The following MAN2A1 variants were observed in gnomAD, a reference collection of about 807,000 sequenced individuals.
MAN2A1 encodes mannosidase alpha class 2A member 1, also known as alpha-mannosidase 2.
A neutral mutation model predicts 142.6 loss-of-function variants in MAN2A1; 76 were observed. That is an observed-to-expected ratio of 0.53 (90% CI 0.44 to 0.65). The LOEUF (loss-of-function observed/expected upper bound fraction) is 0.65. Ranked by LOEUF, MAN2A1 falls within the 30% of genes least tolerant of loss-of-function variation. The pLI, the probability that MAN2A1 is intolerant of heterozygous loss-of-function variation, is 0.00. For synonymous variants in MAN2A1, 559 were observed against 473.2 expected (o/e 1.18, Z -2.35); for missense variants, 1,311 against 1,365.1 (o/e 0.96, Z 0.62).
intron 2 of MAN2A1, 65 bp from the exon 3 acceptor site, chr5:109,716,055 C>T: frequency 2.6e-6 from 3 of 1,166,700 alleles, no homozygotes; most frequent in East Asian, 2.6e-5. Context: ...TAATTTTGAG[C>T]AAATATTTAC....
At chr5:109,815,384 A>T (rs1561525751) in intron 12 of MAN2A1, among the ~76,000 whole-genome samples, 1 of 152,118 alleles carries the variant, frequency 6.6e-6, no homozygotes, top group Non-Finnish European at 1.5e-5. Context: ...AAGTACTAGG[A>T]GGATTCGTTG....
chr5:109,735,928 A>G (rs1321523964), intron 4 of MAN2A1, among the ~76,000 whole-genome samples: 1 of 111,448 alleles, frequency 9.0e-6, no homozygotes, highest in East Asian at 3.0e-4. Context: ...TAAAATGCTT[A>G]CAGGTTTGAC....
At chr5:109,734,339 T>G (rs954019065) in intron 4 of MAN2A1, among the ~76,000 whole-genome samples, 7 of 152,062 alleles carry the variant, frequency 4.6e-5, no homozygotes, top group Admixed American at 1.3e-4. Flanking sequence ...TTCATTGATT[T>G]TTTTGAAGAG....
chr5:109,753,921 T>C (rs991245459), intron 4 of MAN2A1, among the ~76,000 whole-genome samples: 11 of 151,964 alleles, frequency 7.2e-5, no homozygotes, highest in African/African-American at 2.7e-4. Context: ...TTTTCTTTTT[T>C]TTTTTGACAC....
At chr5:109,805,929 T>C (rs1273270536) in intron 12 of MAN2A1, among the ~76,000 whole-genome samples, 1 of 152,186 alleles carries the variant, frequency 6.6e-6, no homozygotes, top group Non-Finnish European at 1.5e-5. Flanking sequence ...TAGCAAATTT[T>C]CTTTTTACCA....
At chr5:109,789,402 T>G (rs1315737080) in intron 11 of MAN2A1, 58 bp from the exon 12 acceptor site, 1 of 970,996 alleles carries the variant, frequency 1.0e-6, no homozygotes, top group African/African-American at 1.7e-5. Context: ...TCTTCTGGTT[T>G]CAGGATGAGT....
chr5:109,795,990 G>A (rs995287176), intron 12 of MAN2A1, among the ~76,000 whole-genome samples: 1 of 152,238 alleles, frequency 6.6e-6, no homozygotes, highest in South Asian at 2.1e-4. Flanking sequence ...TCTTTCAGTT[G>A]TGTGATTATC....
At chr5:109,803,118 C>G (rs1754074420) in intron 12 of MAN2A1, among the ~76,000 whole-genome samples, 1 of 151,966 alleles carries the variant, frequency 6.6e-6, no homozygotes, top group Non-Finnish European at 1.5e-5. Context: ...TTCACATGAA[C>G]TTTAAAAGAA....
intron 12 of MAN2A1, among the ~76,000 whole-genome samples, chr5:109,795,542 A>G (rs948495828): frequency 6.6e-6 from 1 of 152,194 alleles, no homozygotes. Flanking sequence ...CAGTCAGTGT[A>G]TTATCACAAT....
At chr5:109,781,325 TC>T in intron 8 of MAN2A1, 70 bp from the exon 9 acceptor site, 1 of 791,642 alleles carries the variant, frequency 1.3e-6, no homozygotes, top group Non-Finnish European at 1.9e-6. Context: ...TTATTAACTT[TC>T]CCTAACAGTG....
In MAN2A1 at chr5:109,823,724, C is replaced by G. The variant is rs748568539; in HGVS notation, c.2453C>G (p.Pro818Arg). 7 of 1,512,918 alleles carry G rather than the reference C, an allele frequency of 4.6e-6. No homozygotes were observed. The highest frequency in any genetic ancestry group is 6.4e-6 in the Non-Finnish European group (7 of 1,091,904). The allele number at this position is 1,512,918 out of a possible 1,614,324, so 93.7% of individuals were successfully genotyped here. A position where few individuals can be genotyped will look rare whatever the true frequency, so the allele number is the denominator to read the frequency against. The change falls in exon 16 of 22, where the codon CCT becomes CGT. Residue 818 changes from proline (P) to arginine (R), a missense_variant and splice_region_variant. Pro to Arg is a moderately radical substitution (Grantham distance 103, BLOSUM62 -2). This residue lies in a region of MAN2A1 where 890 missense variants were observed against 920.5 expected (regional missense o/e 0.97). Coordinates refer to ENST00000261483, the MANE Select transcript of MAN2A1 (RefSeq NM_002372.4). ...TTAAATATATTATTTTCTTTTCAGC[C>G]TTATGTTTACACAACACCGCCCTTT... Reference protein sequence around the residue: ...YLFLPDGNAKPYVYTTPPFVR... With the variant: ...YLFLPDGNAKRYVYTTPPFVR...
At chr5:109,725,812 A>C (rs536297125) in intron 3 of MAN2A1, among the ~76,000 whole-genome samples, 295 of 152,320 alleles carry the variant, frequency 1.9e-3, no homozygotes, top group Admixed American at 3.8e-3. Context: ...TTTAAAAATA[A>C]ATTGTGATTT....
chr5:109,846,540 G>T (rs1316870052), intron 18 of MAN2A1, among the ~76,000 whole-genome samples: 1 of 152,170 alleles, frequency 6.6e-6, no homozygotes. Flanking sequence ...AGAGAAAATA[G>T]TCAATAGACA....
At chr5:109,735,902 C>G (rs1456826474) in intron 4 of MAN2A1, among the ~76,000 whole-genome samples, 2 of 69,116 alleles carry the variant, frequency 2.9e-5, no homozygotes, top group African/African-American at 7.1e-5. Context: ...TTTTTTTTCC[C>G]TCTTGATAGG....
intron 19 of MAN2A1, among the ~76,000 whole-genome samples, chr5:109,848,380 T>C (rs1755394808): frequency 1.3e-5 from 2 of 152,182 alleles, no homozygotes; most frequent in African/African-American, 4.8e-5. Context: ...CCGTAAGTTA[T>C]TGATCCACCC....
At chr5:109,779,509 C>T (rs1212595195) in intron 8 of MAN2A1, among the ~76,000 whole-genome samples, 2 of 151,786 alleles carry the variant, frequency 1.3e-5, no homozygotes, top group Non-Finnish European at 2.9e-5. Context: ...GAAGTTAATG[C>T]CATATTTCCT....
chr5:109,730,000 A>T (rs1751859258), intron 4 of MAN2A1, among the ~76,000 whole-genome samples: 2 of 152,144 alleles, frequency 1.3e-5, no homozygotes, highest in African/African-American at 2.4e-5. Context: ...TTGGGGGAAA[A>T]AAATCCTATG....
intron 9 of MAN2A1, among the ~76,000 whole-genome samples, chr5:109,783,387 T>C (rs1753512543): frequency 6.6e-6 from 1 of 152,172 alleles, no homozygotes; most frequent in Admixed American, 6.5e-5. Context: ...ATCTTCTTTT[T>C]AACATTTTAG....
intron 16 of MAN2A1, chr5:109,840,721 C>T (rs1017748389): frequency 1.8e-5 from 7 of 378,948 alleles, no homozygotes; most frequent in African/African-American, 1.5e-4. Context: ...CAGTATGGCC[C>T]AAGGGGGATG....
Sources: allele counts gnomAD v4.1 joint callset (sites outside exome capture counted in the v4.1 genomes callset), GRCh38; gene constraint gnomAD v4.1.1; regional missense constraint gnomAD v4.1.1; transcripts MANE v1.5; gene names NCBI Gene and HGNC (gene_info 2026-07-23, HGNC 2026-07-21).